The following ASCC1 variants were observed in gnomAD, a reference collection of about 807,000 sequenced individuals.
ASCC1 encodes activating signal cointegrator 1 complex subunit 1.
ASCC1 carries 35 observed loss-of-function variants against 46.6 expected under a neutral mutation model. The observed-to-expected ratio is 0.75, with a 90% CI of 0.57 to 0.99. ASCC1 has a LOEUF of 0.99. ASCC1 is among the 50% of genes least tolerant of loss of function. The pLI is 0.00. For synonymous variants in ASCC1, 143 were observed against 146.6 expected, an observed-to-expected ratio of 0.98 and a Z score of 0.18; for missense variants, 376 against 428.7, an observed-to-expected ratio of 0.88 and a Z score of 1.09.
intron 9 of ASCC1, among the ~76,000 whole-genome samples, chr10:72,120,858 A>C (rs1844117498): frequency 6.6e-6 from 1 of 152,134 alleles, no homozygotes. Context: ...GGGAGAAACA[A>C]GTATAAGCGA....
At chr10:72,107,310 C>A (rs1407768884) in intron 9 of ASCC1, among the ~76,000 whole-genome samples, 1 of 148,354 alleles carries the variant, frequency 6.7e-6, no homozygotes, top group African/African-American at 2.5e-5. Flanking sequence ...TTACCCCCCC[C>A]CCAAAAAAAT....
At chr10:72,170,330 A>T (rs1244131908) in intron 5 of ASCC1, among the ~76,000 whole-genome samples, 1 of 152,170 alleles carries the variant, frequency 6.6e-6, no homozygotes, top group African/African-American at 2.4e-5. Flanking sequence ...GGGACACTGT[A>T]TACTCTAAGA....
chr10:72,118,549 G>A (rs1009699535), intron 9 of ASCC1, among the ~76,000 whole-genome samples: 3 of 152,018 alleles, frequency 2.0e-5, no homozygotes, highest in Admixed American at 6.6e-5. Flanking sequence ...GGAGGCCAAG[G>A]CGGGTGGATT....
chr10:72,147,718 C>CTA (rs1847812555), intron 7 of ASCC1, among the ~76,000 whole-genome samples: 1 of 152,180 alleles, frequency 6.6e-6, no homozygotes, highest in Non-Finnish European at 1.5e-5. Context: ...CTTCCCTGAT[C>CTA]TATAAAATGG....
chr10:72,107,118 G>C (rs1842422121), intron 9 of ASCC1, among the ~76,000 whole-genome samples: 1 of 151,814 alleles, frequency 6.6e-6, no homozygotes, highest in South Asian at 2.1e-4. Context: ...AGGCATGTAG[G>C]TACAGGACTA....
rs1229740002 is a variant in ASCC1, at chr10:72,097,302, T to C, written c.*32A>G. 2.1e-6 allele frequency: 3 copies of C among 1,398,104 alleles called. No homozygotes were observed. The highest frequency in any genetic ancestry group is 1.7e-5 in the Admixed American group (1 of 59,600). The allele number at this position is 1,398,104 out of a possible 1,614,324, so 86.6% of individuals were successfully genotyped here. ...ACTTTTCTTCAGCACCTGGTGAAGATGTTTAGTTTCTAGTGCTTTCCAAGA... is the reference window on the plus strand; with the variant it reads ...ACTTTTCTTCAGCACCTGGTGAAGACGTTTAGTTTCTAGTGCTTTCCAAGA... On this transcript the variant is annotated 3_prime_UTR_variant, in exon 10 of 10. Coordinates refer to ENST00000672957, the MANE Select transcript of ASCC1 (RefSeq NM_001198800.3).
At chr10:72,175,183 C>A (rs16929711) in intron 5 of ASCC1, among the ~76,000 whole-genome samples, 14,219 of 152,190 alleles carry the variant, frequency 0.093, 2,008 homozygotes, top group African/African-American at 0.31. Context: ...AGCAGCATGA[C>A]CCTAGGTGAG....
rs1369554379 is a variant in ASCC1, at chr10:72,178,897, A to G, written c.490-17223T>C. On this transcript the variant is annotated intron_variant, in intron 5 of 9. Transcript: ENST00000672957. ...TAAAGAAAAATAAATTTACCTTCTC[A>G]AAAAAAGAAATAAACATTAATAATA... Among the ~76,000 whole-genome samples, 3 of 152,270 alleles carry G rather than the reference A, an allele frequency of 2.0e-5. No homozygotes were observed. The South Asian group carries it at 6.2e-4, about 32-fold the overall frequency.
intron 8 of ASCC1, among the ~76,000 whole-genome samples, chr10:72,128,483 C>T (rs1251607860): frequency 6.6e-6 from 1 of 152,190 alleles, no homozygotes; most frequent in Non-Finnish European, 1.5e-5. Context: ...CTTAGTTCCT[C>T]ATTGACAAAG....
In ASCC1 at chr10:72,161,656, T is replaced by C. The variant is rs1325352999; in HGVS notation, c.508A>G (p.Ser170Gly). The C allele has an allele frequency of 3.1e-6, 5 of 1,614,180 alleles. No individual in the cohort carries two copies. The highest frequency in any genetic ancestry group is 4.2e-6 in the Non-Finnish European group (5 of 1,180,032). ...AGCTTTTTAGGATTCTGGAAAATGCTGCTGTCAACCCCATGATCCTGTTAT... is the reference window on the plus strand; with the variant it reads ...AGCTTTTTAGGATTCTGGAAAATGCCGCTGTCAACCCCATGATCCTGTTAT... Reference protein sequence around the residue: ...KCSMDHGVDSSIFQNPKKLHL... With the variant: ...KCSMDHGVDSGIFQNPKKLHL... Residue 170 changes from serine to glycine, a missense_variant, in exon 6 of 10, where the codon AGC becomes GGC. Ser to Gly is a moderately conservative substitution (Grantham distance 56, BLOSUM62 0). Transcript: ENST00000672957.
At chr10:72,190,873 G>A (rs1158817326) in intron 5 of ASCC1, among the ~76,000 whole-genome samples, 2 of 150,538 alleles carry the variant, frequency 1.3e-5, no homozygotes, top group Non-Finnish European at 3.0e-5. Flanking sequence ...GCAGGTGCCT[G>A]TAGTCCCAGC....
At chr10:72,205,214 T>TA (rs1857028912) in intron 3 of ASCC1, among the ~76,000 whole-genome samples, 1 of 152,162 alleles carries the variant, frequency 6.6e-6, no homozygotes, top group South Asian at 2.1e-4. Flanking sequence ...CTCATGCCTG[T>TA]AATCCCATAA....
intron 4 of ASCC1, chr10:72,198,354 A>AC (rs1564745085): frequency 4.2e-5 from 1 of 24,044 alleles, no homozygotes; most frequent in Admixed American, 1.1e-3. Flanking sequence ...AGGGGAGGGG[A>AC]GGGGAGGGGA....
At chr10:72,099,778 T>A (rs1841521624) in intron 9 of ASCC1, among the ~76,000 whole-genome samples, 1 of 151,948 alleles carries the variant, frequency 6.6e-6, no homozygotes, top group Non-Finnish European at 1.5e-5. Context: ...CGAGATTGCA[T>A]CACTGCATTT....
At chr10:72,105,136 T>C (rs569691942) in intron 9 of ASCC1, among the ~76,000 whole-genome samples, 27 of 152,166 alleles carry the variant, frequency 1.8e-4, no homozygotes, top group Non-Finnish European at 3.7e-4. Flanking sequence ...CAGGACCCAT[T>C]GGGTGCGGGT....
chr10:72,111,359 G>A (rs1322919549), intron 9 of ASCC1, among the ~76,000 whole-genome samples: 3 of 152,032 alleles, frequency 2.0e-5, no homozygotes, highest in East Asian at 1.9e-4. Flanking sequence ...GGCAGCACAC[G>A]CCTGTAGTCC....
At chr10:72,139,117 T>C (rs1846650288) in intron 7 of ASCC1, among the ~76,000 whole-genome samples, 8 of 148,082 alleles carry the variant, frequency 5.4e-5, no homozygotes. Context: ...TCTTTTTCTT[T>C]TTTTTTTTTT....
chr10:72,145,181 C>T (rs188207747), intron 7 of ASCC1, among the ~76,000 whole-genome samples: 14 of 152,308 alleles, frequency 9.2e-5, no homozygotes, highest in Admixed American at 8.5e-4. Context: ...CCATAGGTGG[C>T]TTCTTTTAAG....
chr10:72,161,134 C>T (rs1849644408), intron 6 of ASCC1, among the ~76,000 whole-genome samples: 1 of 149,398 alleles, frequency 6.7e-6, no homozygotes, highest in African/African-American at 2.5e-5. Flanking sequence ...ATAATGAAGA[C>T]TTCCCTAGAG....
Sources: gnomAD v4.1 joint callset for allele counts (sites outside exome capture counted in the v4.1 genomes callset) on GRCh38, gnomAD v4.1.1 for gene constraint, MANE v1.5 for transcripts, NCBI Gene and HGNC (gene_info 2026-07-23, HGNC 2026-07-21) for gene names.